Variants in PARM1 observed in about 807,000 individuals in gnomAD.
The protein encoded by PARM1 is prostate androgen-regulated mucin-like protein 1.
PARM1 carries 14 observed loss-of-function variants against 24.6 expected under a neutral mutation model. The ratio of observed to expected loss-of-function variants is 0.57; its 90% CI spans 0.38 to 0.89. The LOEUF is 0.89. PARM1 is among the 40% of genes least tolerant of loss of function. The probability of loss-of-function intolerance (pLI) is 0.00; values close to 1 mark genes in which losing one functional copy is unlikely to be tolerated. For synonymous variants in PARM1, 179 were observed against 156.6 expected (o/e 1.14, Z -1.07); for missense variants, 362 against 380.4 (o/e 0.95, Z 0.40).
intron 1 of PARM1, among the ~76,000 whole-genome samples, chr4:74,935,357 C>T (rs1300858577): frequency 6.6e-6 from 1 of 152,024 alleles, no homozygotes; most frequent in Non-Finnish European, 1.5e-5. Context: ...TGCAATAAAT[C>T]GTCCGAAAAA....
chr4:75,032,152 G>A (rs987228142), intron 2 of PARM1, among the ~76,000 whole-genome samples: 2 of 152,306 alleles, frequency 1.3e-5, no homozygotes, highest in East Asian at 1.9e-4. Context: ...GATTCCAGGA[G>A]CAAAGAAATG....
At chr4:74,966,166 G>A (rs985554957) in intron 1 of PARM1, among the ~76,000 whole-genome samples, 3 of 152,126 alleles carry the variant, frequency 2.0e-5, no homozygotes, top group African/African-American at 4.8e-5. Context: ...CTTGCTAAGC[G>A]GACAGTGGTT....
intron 1 of PARM1, among the ~76,000 whole-genome samples, chr4:74,971,217 A>G (rs1332472806): frequency 6.6e-6 from 1 of 152,198 alleles, no homozygotes; most frequent in Non-Finnish European, 1.5e-5. Context: ...AAGGCGAAGG[A>G]GCAAAGGCAT....
intron 1 of PARM1, among the ~76,000 whole-genome samples, chr4:75,010,376 GTTT>G (rs930679791): frequency 2.6e-5 from 4 of 152,176 alleles, no homozygotes; most frequent in Admixed American, 2.6e-4. Context: ...AAAGGGAGTT[GTTT>G]AATAGGCACA....
intron 2 of PARM1, among the ~76,000 whole-genome samples, chr4:75,024,751 T>C (rs1376960433): frequency 5.3e-5 from 8 of 152,362 alleles, no homozygotes; most frequent in African/African-American, 1.9e-4. Flanking sequence ...CAGGCTGGAC[T>C]GTGATGGCTT....
intron 1 of PARM1, among the ~76,000 whole-genome samples, chr4:74,943,438 G>A (rs1421521676): frequency 6.6e-6 from 1 of 152,036 alleles, no homozygotes. Flanking sequence ...ACCCAAAAGT[G>A]AGACATTGGC....
chr4:74,993,680 AC>A (rs893228129), intron 1 of PARM1, among the ~76,000 whole-genome samples: 7 of 152,304 alleles, frequency 4.6e-5, no homozygotes, highest in South Asian at 2.1e-4. Flanking sequence ...TGATTTTATA[AC>A]AAATGAAGAA....
At chr4:75,000,669 G>A (rs779579814) in intron 1 of PARM1, among the ~76,000 whole-genome samples, 2 of 152,124 alleles carry the variant, frequency 1.3e-5, no homozygotes, top group Non-Finnish European at 2.9e-5. Flanking sequence ...ACAGAACTGC[G>A]GCACATAGAT....
At chr4:74,970,513 TG>T (rs1299947085) in intron 1 of PARM1, among the ~76,000 whole-genome samples, 1 of 152,262 alleles carries the variant, frequency 6.6e-6, no homozygotes, top group Non-Finnish European at 1.5e-5. Flanking sequence ...GGGCCAGGTC[TG>T]TGAGAAAATA....
intron 1 of PARM1, among the ~76,000 whole-genome samples, chr4:74,952,729 A>T (rs573693605): frequency 6.6e-6 from 1 of 152,338 alleles, no homozygotes; most frequent in East Asian, 1.9e-4. Flanking sequence ...ATAAGAAGTC[A>T]GATGAATCTT....
rs1167610413 is a variant in PARM1, at chr4:75,048,348, A to G, written c.*2101A>G. 2.0e-5 allele frequency: 3 copies of G among 152,170 alleles called. No homozygotes were observed. The highest frequency in any genetic ancestry group is 2.9e-5 in the Non-Finnish European group (2 of 68,042). 9.4% of individuals were successfully genotyped at this position (152,170 alleles called of 1,614,324 possible). ...ATATCTCTGAATATTGAAAACAACAACTAAAAAAGTGGACCTTCTCAGAAA... is the reference window on the plus strand; with the variant it reads ...ATATCTCTGAATATTGAAAACAACAGCTAAAAAAGTGGACCTTCTCAGAAA... On this transcript the variant is annotated 3_prime_UTR_variant, in exon 4 of 4. Transcript: ENST00000307428.
intron 2 of PARM1, among the ~76,000 whole-genome samples, chr4:75,016,982 C>T (rs1722999727): frequency 6.6e-6 from 1 of 152,096 alleles, no homozygotes; most frequent in Non-Finnish European, 1.5e-5. Context: ...TTATTGATTT[C>T]CTCAATTCTC....
At chr4:75,015,579 A>G (rs527796276) in intron 2 of PARM1, among the ~76,000 whole-genome samples, 104 of 152,314 alleles carry the variant, frequency 6.8e-4, no homozygotes, top group African/African-American at 2.3e-3. Context: ...TTGAGATTTT[A>G]TAGTTTAAGT....
intron 2 of PARM1, among the ~76,000 whole-genome samples, chr4:75,017,554 G>A (rs1723011453): frequency 1.3e-5 from 2 of 151,870 alleles, no homozygotes; most frequent in Admixed American, 6.6e-5. Context: ...ATCTGAAATA[G>A]TAACCCCCAT....
intron 1 of PARM1, among the ~76,000 whole-genome samples, chr4:74,962,615 T>C (rs781410287): frequency 6.6e-6 from 1 of 152,190 alleles, no homozygotes; most frequent in Non-Finnish European, 1.5e-5. Flanking sequence ...GAAAAAAGTA[T>C]GCCATGCAAA....
chr4:75,048,637 C>G lies in PARM1; in HGVS notation c.*2390C>G, dbSNP rs1043634. On this transcript the variant is annotated 3_prime_UTR_variant, in exon 4 of 4. Coordinates refer to ENST00000307428, the MANE Select transcript of PARM1 (RefSeq NM_015393.4). Reference sequence around the variant, plus strand: ...GGATCAGCCTCTTCCCAGGAACCATCGCCTTCTATAAACCGTGAACTCAAG... The same window carrying G: ...GGATCAGCCTCTTCCCAGGAACCATGGCCTTCTATAAACCGTGAACTCAAG... 0.14 allele frequency: 20,866 copies of G among 152,446 alleles called. 2,058 individuals carry two copies. The highest frequency in any genetic ancestry group is 0.28 in the African/African-American group (11,473 of 41,480). The allele number at this position is 152,446 out of a possible 1,614,324, so 9.4% of individuals were successfully genotyped here.
intron 1 of PARM1, among the ~76,000 whole-genome samples, chr4:74,991,582 G>T (rs369529093): frequency 1.3e-5 from 2 of 152,120 alleles, no homozygotes; most frequent in South Asian, 4.1e-4. Flanking sequence ...ACTGATGAGC[G>T]CATACTTATG....
At chr4:74,962,091 TA>T (rs1721786788) in intron 1 of PARM1, among the ~76,000 whole-genome samples, 1 of 152,196 alleles carries the variant, frequency 6.6e-6, no homozygotes, top group African/African-American at 2.4e-5. Flanking sequence ...AATTAATGCA[TA>T]AAAATTTGTT....
chr4:75,044,046 C>CA (rs33982391), intron 3 of PARM1, among the ~76,000 whole-genome samples: 16,965 of 135,684 alleles, frequency 0.13, 1,073 homozygotes, highest in African/African-American at 0.19. Flanking sequence ...TAGTTCTTTG[C>CA]AAAAAAAAAA....
Sources: allele counts gnomAD v4.1 joint callset (sites outside exome capture counted in the v4.1 genomes callset), GRCh38; gene constraint gnomAD v4.1.1; transcripts MANE v1.5; gene names NCBI Gene and HGNC (gene_info 2026-07-23, HGNC 2026-07-21).